Variants in RNF144A observed in about 807,000 individuals in gnomAD.
RNF144A encodes the protein E3 ubiquitin-protein ligase RNF144A.
A neutral mutation model predicts 38.7 loss-of-function variants in RNF144A; 11 were observed. The observed-to-expected ratio is 0.28, with a 90% CI of 0.18 to 0.47. RNF144A has a LOEUF of 0.47. Among genes scored for constraint, RNF144A ranks in the 20% least tolerant of loss-of-function variants. RNF144A has a pLI of 0.99. For missense variants in RNF144A, 316 were observed against 377.2 expected, an observed-to-expected ratio of 0.84 and a Z score of 1.34; for synonymous variants, 149 against 143.9, an observed-to-expected ratio of 1.04 and a Z score of -0.25.
intron 1 of RNF144A, among the ~76,000 whole-genome samples, chr2:6,928,590 C>T (rs1302187412): frequency 6.6e-6 from 1 of 152,238 alleles, no homozygotes; most frequent in Non-Finnish European, 1.5e-5. Context: ...GTACTGCTGT[C>T]CTCCACTGGC....
At chr2:7,015,503 A>G (rs1257500231) in intron 5 of RNF144A, among the ~76,000 whole-genome samples, 2 of 152,168 alleles carry the variant, frequency 1.3e-5, no homozygotes, top group African/African-American at 2.4e-5. Flanking sequence ...CCTCTGGGAG[A>G]GCAGTGTGGC....
intron 6 of RNF144A, among the ~76,000 whole-genome samples, chr2:7,066,969 A>G (rs1386249539): frequency 6.6e-6 from 1 of 152,254 alleles, no homozygotes; most frequent in Admixed American, 6.5e-5. Flanking sequence ...AAAAGAGCCT[A>G]GGTGGTCAAT....
At chr2:7,047,922 C>T (rs1673373370), downstream of RNF144A, among the ~76,000 whole-genome samples, 1 of 152,188 alleles carries the variant, frequency 6.6e-6, no homozygotes, top group Non-Finnish European at 1.5e-5. Flanking sequence ...GAACCCAAGT[C>T]TGCCCTGCGG....
At chr2:6,984,443 C>T (rs1668828225) in intron 2 of RNF144A, among the ~76,000 whole-genome samples, 1 of 152,158 alleles carries the variant, frequency 6.6e-6, no homozygotes, top group Admixed American at 6.5e-5. Context: ...GCTGGGATTA[C>T]AGGCTCCCGC....
At position 7,030,257 on chromosome 2, in the gene RNF144A, CTGTGTGTGTGTGTGTGTG is replaced by C. The variant is rs58324246; in HGVS notation, c.747+74_747+91del. The C allele has an allele frequency of 2.1e-3, 1,499 of 724,508 alleles. 3 individuals carry two copies. The highest frequency in any genetic ancestry group is 0.011 in the African/African-American group (587 of 52,862). The allele number at this position is 724,508 out of a possible 1,614,324, so 44.9% of individuals were successfully genotyped here. On this transcript the variant is annotated intron_variant, in intron 8 of 8. Transcript: ENST00000320892. ...CTGGAAGGTTGATCTCAGAGAGAGA[CTGTGTGTGTGTGTGTGTG>C]TGTGTGTGTGTGTGTGTGTGTGTGT...
At chr2:7,025,298 A>C (rs1156523084) in intron 7 of RNF144A, among the ~76,000 whole-genome samples, 1 of 152,212 alleles carries the variant, frequency 6.6e-6, no homozygotes, top group Non-Finnish European at 1.5e-5. Context: ...TTCCTTGCCC[A>C]TATTAGGGCG....
rs1388727282 is a variant in RNF144A, at chr2:6,944,961, CA to C, written c.-12+3816del. Among the ~76,000 whole-genome samples the C allele has an allele frequency of 7.9e-5, 12 of 152,240 alleles. No homozygotes were observed. The highest frequency in any genetic ancestry group is 7.8e-4 in the Admixed American group (12 of 15,288). ...TATAAAGCAGCCTCAATCCAGCCTTCAATGATTGAAGTAGCTAATTTTGAAA... is the reference window on the plus strand; with the variant it reads ...TATAAAGCAGCCTCAATCCAGCCTTCATGATTGAAGTAGCTAATTTTGAAA... On this transcript the variant is annotated intron_variant, in intron 2 of 8. Coordinates refer to ENST00000320892, the MANE Select transcript of RNF144A (RefSeq NM_014746.6). The surrounding 1 kb of genome is among the most constrained non-coding windows in gnomAD (Gnocchi z 4.7).
intron 6 of RNF144A, among the ~76,000 whole-genome samples, chr2:7,049,275 T>C (rs1673426583): frequency 6.6e-6 from 1 of 152,252 alleles, no homozygotes; most frequent in South Asian, 2.1e-4. Context: ...GTATAGTGGC[T>C]GAGCACAGTC....
chr2:7,060,534 C>G (rs1430648952), intron 6 of RNF144A, among the ~76,000 whole-genome samples: 1 of 152,200 alleles, frequency 6.6e-6, no homozygotes, highest in South Asian at 2.1e-4. Context: ...GGCAAAACTT[C>G]AGCCAGAATA....
intron 6 of RNF144A, among the ~76,000 whole-genome samples, chr2:7,055,161 T>G (rs145826722): frequency 3.3e-4 from 51 of 152,352 alleles, no homozygotes; most frequent in South Asian, 1.0e-3. Flanking sequence ...TCAGCCTGCT[T>G]TGTGCCTTCT....
rs1010556918 is a variant in RNF144A at position 7,040,857 on chromosome 2, C to G, written c.*1097C>G. 22 of 985,340 alleles carry G rather than the reference C, an allele frequency of 2.2e-5. No homozygotes were observed. The highest frequency in any genetic ancestry group is 2.4e-5 in the Non-Finnish European group (20 of 829,940). The allele number at this position is 985,340 out of a possible 1,614,324, so 61.0% of individuals were successfully genotyped here. Reference sequence around the variant, plus strand: ...TCTTACACAGTTCCAAGTCCTGTTGCTAACCGTTTTGCTCTTGTTGGGGAA... The same window carrying G: ...TCTTACACAGTTCCAAGTCCTGTTGGTAACCGTTTTGCTCTTGTTGGGGAA... On this transcript the variant is annotated 3_prime_UTR_variant, in exon 9 of 9. Coordinates refer to ENST00000320892, the MANE Select transcript of RNF144A (RefSeq NM_014746.6).
At position 7,039,794 on chromosome 2, in the gene RNF144A, C is replaced by T. The variant is rs201740884; in HGVS notation, c.*34C>T. ...CGATGCTGGAACACATCCCTGCCTC[C>T]GGGAAGTGTGGCTCTCCCCCAACCC... On this transcript the variant is annotated 3_prime_UTR_variant, in exon 9 of 9. Coordinates refer to ENST00000320892, the MANE Select transcript of RNF144A (RefSeq NM_014746.6). The T allele has an allele frequency of 1.7e-4, 267 of 1,607,338 alleles. No homozygotes were observed. The highest frequency in any genetic ancestry group is 1.8e-4 in the Admixed American group (11 of 59,742).
intron 6 of RNF144A, among the ~76,000 whole-genome samples, chr2:7,053,542 T>G (rs896276133): frequency 6.6e-6 from 1 of 152,154 alleles, no homozygotes; most frequent in East Asian, 1.9e-4. Context: ...TGATCTCAAT[T>G]TTTTGTTGTC....
At chr2:7,000,415 C>T (rs974915099) in intron 3 of RNF144A, among the ~76,000 whole-genome samples, 1 of 152,162 alleles carries the variant, frequency 6.6e-6, no homozygotes, top group Non-Finnish European at 1.5e-5. Flanking sequence ...ATCCCGTGTT[C>T]GTTTTGTCAA....
chr2:6,976,996 T>C (rs1002215319), intron 2 of RNF144A, among the ~76,000 whole-genome samples: 1 of 152,232 alleles, frequency 6.6e-6, no homozygotes, highest in East Asian at 1.9e-4. Context: ...CCTGCAATTA[T>C]TTGTTCAATG....
rs1476917432 is a variant in RNF144A at position 6,941,842 on chromosome 2, G to C, written c.-12+695G>C. Among the ~76,000 whole-genome samples, 1 of 152,246 alleles carries C rather than the reference G, an allele frequency of 6.6e-6. No individual in the cohort carries two copies. The highest frequency in any genetic ancestry group is 2.4e-5 in the African/African-American group (1 of 41,472). On this transcript the variant is annotated intron_variant, in intron 2 of 8. Coordinates refer to ENST00000320892, the MANE Select transcript of RNF144A (RefSeq NM_014746.6). The surrounding 1 kb of genome is among the most constrained non-coding windows in gnomAD (Gnocchi z 6.5). ...GAAGGGCTGGTGGCTGCAGCATACGGACAGCTGGAGGAGCACCCAGGCCAG... is the reference window on the plus strand; with the variant it reads ...GAAGGGCTGGTGGCTGCAGCATACGCACAGCTGGAGGAGCACCCAGGCCAG...
intron 6 of RNF144A, among the ~76,000 whole-genome samples, chr2:7,065,204 C>A (rs1674157237): frequency 6.6e-6 from 1 of 152,160 alleles, no homozygotes; most frequent in African/African-American, 2.4e-5. Context: ...GTTTATATTT[C>A]TTTTGTCCAA....
chr2:7,058,619 T>C (rs1239184680), intron 6 of RNF144A, among the ~76,000 whole-genome samples: 1 of 152,212 alleles, frequency 6.6e-6, no homozygotes, highest in African/African-American at 2.4e-5. Flanking sequence ...GCTCTAATAA[T>C]ATCCCATCTA....
intron 1 of RNF144A, among the ~76,000 whole-genome samples, chr2:6,925,926 T>C (rs573196103): frequency 1.3e-5 from 2 of 152,332 alleles, no homozygotes; most frequent in South Asian, 2.1e-4. Context: ...CATATATATG[T>C]ACCAGTATCA....
Sources: allele counts gnomAD v4.1 joint callset (sites outside exome capture counted in the v4.1 genomes callset), GRCh38; gene constraint gnomAD v4.1.1; non-coding constraint Gnocchi (gnomAD v3.1); transcripts MANE v1.5; gene names NCBI Gene and HGNC (gene_info 2026-07-23, HGNC 2026-07-21).